PLXNC1: variants seen among roughly 807,000 people sequenced by gnomAD.
PLXNC1 encodes the protein plexin C1, also known as plexin-C1.
In PLXNC1, 75 loss-of-function variants were observed where a neutral mutation model predicts 178.2. The ratio of observed to expected loss-of-function variants is 0.42; its 90% confidence interval spans 0.35 to 0.51. PLXNC1 has a LOEUF of 0.51. Ranked by LOEUF, PLXNC1 falls within the 20% of genes least tolerant of loss-of-function variation. The probability of loss-of-function intolerance (pLI) is 0.02; values close to 1 mark genes in which losing one functional copy is unlikely to be tolerated. For synonymous variants in PLXNC1, 790 were observed against 779.9 expected, an observed-to-expected ratio of 1.01 and a Z score of -0.22; for missense variants, 1,503 against 1,984.4, an observed-to-expected ratio of 0.76 and a Z score of 4.61.
rs188154819 is a variant in PLXNC1, at chr12:94,286,702, A to G, written c.3879+4301A>G. Among the ~76,000 whole-genome samples the G allele has an allele frequency of 1.1e-4, 17 of 151,902 alleles. No individual in the cohort carries two copies. In the East Asian group the frequency reaches 3.1e-3, roughly 28 times the overall value. On this transcript the variant is annotated intron_variant, in intron 23 of 30. Coordinates refer to ENST00000258526, the MANE Select transcript of PLXNC1 (RefSeq NM_005761.3). ...AGTGAATCAGACTCACCTCCCTCCA[A>G]TTAGTCCACATTAGTTAGGTTTTAA...
intron 9 of PLXNC1, among the ~76,000 whole-genome samples, chr12:94,235,906 C>T (rs913463231): frequency 6.6e-6 from 1 of 152,170 alleles, no homozygotes; most frequent in Admixed American, 6.5e-5. Context: ...ATGTGTCCCC[C>T]ACAATATCTG....
At chr12:94,179,124 T>C (rs543319892) in intron 2 of PLXNC1, among the ~76,000 whole-genome samples, 1 of 152,270 alleles carries the variant, frequency 6.6e-6, no homozygotes, top group African/African-American at 2.4e-5. Flanking sequence ...ATGCGGGAAG[T>C]TGCTCTGTGC....
intron 1 of PLXNC1, among the ~76,000 whole-genome samples, chr12:94,151,685 C>A (rs948320805): frequency 3.9e-5 from 6 of 152,194 alleles, no homozygotes; most frequent in Admixed American, 1.3e-4. Context: ...AGCTCAGAGG[C>A]CCACAGCAGG....
At chr12:94,281,542 T>C (rs896870082) in intron 22 of PLXNC1, among the ~76,000 whole-genome samples, 2 of 152,164 alleles carry the variant, frequency 1.3e-5, no homozygotes, top group African/African-American at 4.8e-5. Context: ...ATTTTCTTTT[T>C]TTAAAGAAAT....
At chr12:94,178,322 C>T (rs1339053368) in intron 2 of PLXNC1, among the ~76,000 whole-genome samples, 1 of 152,194 alleles carries the variant, frequency 6.6e-6, no homozygotes, top group Non-Finnish European at 1.5e-5. Context: ...TCAGTTTCAA[C>T]TTTATTGGCA....
At chr12:94,284,107 A>T (rs1016304820) in intron 23 of PLXNC1, among the ~76,000 whole-genome samples, 1 of 151,660 alleles carries the variant, frequency 6.6e-6, no homozygotes, top group Non-Finnish European at 1.5e-5. Context: ...AAAAAAAAAA[A>T]AGCAGGGTTT....
At chr12:94,187,359 C>G (rs1329799321) in intron 4 of PLXNC1, among the ~76,000 whole-genome samples, 3 of 151,776 alleles carry the variant, frequency 2.0e-5, no homozygotes, top group African/African-American at 7.3e-5. Flanking sequence ...AAGGGGGAGA[C>G]AGCCAAGAGA....
At chr12:94,282,514 C>T (rs1014395418) in intron 23 of PLXNC1, 113 bp downstream of exon 23, 8 of 723,300 alleles carry the variant, frequency 1.1e-5, no homozygotes, top group Admixed American at 2.5e-5. Context: ...ACTTGCAGAT[C>T]GATCGTGTCT....
At chr12:94,222,305 A>G (rs139009453) in intron 6 of PLXNC1, among the ~76,000 whole-genome samples, 204 of 152,316 alleles carry the variant, frequency 1.3e-3, no homozygotes, top group African/African-American at 4.9e-3. Flanking sequence ...TGAACGGGCA[A>G]ACAAATTTGC....
chr12:94,193,329 C>T (rs1429013562), intron 4 of PLXNC1, among the ~76,000 whole-genome samples: 1 of 152,018 alleles, frequency 6.6e-6, no homozygotes, highest in Non-Finnish European at 1.5e-5. Flanking sequence ...TGGCTGTAAA[C>T]CAGTAAGAGA....
intron 9 of PLXNC1, among the ~76,000 whole-genome samples, chr12:94,230,450 G>A (rs1964067473): frequency 6.6e-6 from 1 of 152,136 alleles, no homozygotes. Flanking sequence ...AGAAGAAGAA[G>A]GCTGAAAATA....
At position 94,247,906 on chromosome 12, in the gene PLXNC1, TCTGAATATTGTGTGGCG is replaced by T; in HGVS notation, c.2393_2409del (p.Ser798TyrfsTer65). On this transcript the variant is annotated frameshift_variant, in exon 13 of 31. Coordinates refer to ENST00000258526, the MANE Select transcript of PLXNC1 (RefSeq NM_005761.3). LOFTEE classifies it high-confidence loss of function. Reference sequence around the variant, plus strand: ...ACATTCTTTTCTTTTTGTCCAGGTCTCTGAATATTGTGTGGCGACTTACTGCGGGTTTTTAGCCCCCA... The same window carrying T: ...ACATTCTTTTCTTTTTGTCCAGGTCTACTTACTGCGGGTTTTTAGCCCCCA... 6.2e-7 allele frequency: 1 copy of T among 1,613,840 alleles called. No individual in the cohort carries two copies. Among genetic ancestry groups the T allele is most frequent in the Non-Finnish European group, 8.5e-7 (1 of 1,179,830 alleles).
intron 9 of PLXNC1, 50 bp downstream of exon 9, chr12:94,227,285 C>A: frequency 1.9e-6 from 2 of 1,058,438 alleles, no homozygotes; most frequent in East Asian, 4.7e-5. Flanking sequence ...CTTTGAATGA[C>A]CATGACCACA....
At chr12:94,257,776 G>A (rs956864324) in intron 17 of PLXNC1, among the ~76,000 whole-genome samples, 1 of 152,054 alleles carries the variant, frequency 6.6e-6, no homozygotes, top group Non-Finnish European at 1.5e-5. Flanking sequence ...GCATGGTGGC[G>A]GGCGCCTGTA....
chr12:94,204,117 C>A lies in PLXNC1; in HGVS notation c.1440-5473C>A, dbSNP rs533975422. 4.6e-5 allele frequency among the ~76,000 whole-genome samples: 7 copies of A among 152,346 alleles called. No individual in the cohort carries two copies. The Middle Eastern group carries it at 0.01, about 222-fold the overall frequency. On this transcript the variant is annotated intron_variant, in intron 4 of 30. Coordinates refer to ENST00000258526, the MANE Select transcript of PLXNC1 (RefSeq NM_005761.3). ...ATAAATTTCTTGTCTTTATAAATTA[C>A]CCAGTCTGTGGTATTCTATTATAGC... is the stretch of plus-strand genomic sequence containing the variant.
At chr12:94,204,709 C>T (rs189609957) in intron 4 of PLXNC1, among the ~76,000 whole-genome samples, 3 of 152,176 alleles carry the variant, frequency 2.0e-5, no homozygotes, top group Admixed American at 6.5e-5. Flanking sequence ...GAGACCACCT[C>T]GCCCCTCCAC....
At chr12:94,195,641 T>C (rs1192190432) in intron 4 of PLXNC1, among the ~76,000 whole-genome samples, 1 of 152,156 alleles carries the variant, frequency 6.6e-6, no homozygotes, top group Non-Finnish European at 1.5e-5. Flanking sequence ...TCACTCCATA[T>C]TTTTCTACAT....
chr12:94,189,015 T>C (rs190007114), intron 4 of PLXNC1, among the ~76,000 whole-genome samples: 5 of 152,138 alleles, frequency 3.3e-5, no homozygotes, highest in Admixed American at 2.6e-4. Context: ...GGAGGGAGAA[T>C]AGAATAGGGA....
rs138481288 is a variant in PLXNC1, at chr12:94,212,961, T to C, written c.1554+3257T>C. Among the ~76,000 whole-genome samples, 11 of 152,270 alleles carry C rather than the reference T, an allele frequency of 7.2e-5. No individual in the cohort carries two copies. The South Asian group carries it at 1.0e-3, about 14-fold the overall frequency. The stretch of plus-strand genomic sequence containing the variant: ...GTCTCAATCTCCTGACCTCGTGATC[T>C]GCCCGCCTTGGCCTCCCAAAGTGCT... On this transcript the variant is annotated intron_variant, in intron 5 of 30. Transcript: ENST00000258526.
Sources: allele counts gnomAD v4.1 joint callset (sites outside exome capture counted in the v4.1 genomes callset), GRCh38; gene constraint gnomAD v4.1.1; transcripts MANE v1.5; gene names NCBI Gene and HGNC (gene_info 2026-07-23, HGNC 2026-07-21).